The following WIPI1 variants were observed in gnomAD, a reference collection of about 807,000 sequenced individuals.
The protein encoded by WIPI1 is WD repeat domain phosphoinositide-interacting protein 1.
A neutral mutation model predicts 55.3 loss-of-function variants in WIPI1; 45 were observed. The ratio of observed to expected loss-of-function variants is 0.81; its 90% CI spans 0.64 to 1.04. The LOEUF is 1.04. Ranked by LOEUF, WIPI1 falls within the 50% of genes least tolerant of loss-of-function variation. The probability of loss-of-function intolerance (pLI) is 0.00; values close to 1 mark genes in which losing one functional copy is unlikely to be tolerated. For synonymous variants in WIPI1, 195 were observed against 217.6 expected (o/e 0.90, Z 0.92); for missense variants, 445 against 559.0 (o/e 0.80, Z 2.06).
chr17:68,429,691 C>T lies in WIPI1; in HGVS notation c.965+305G>A, dbSNP rs531744479. On this transcript the variant is annotated intron_variant, in intron 9 of 12. Transcript: ENST00000262139. The stretch of plus-strand genomic sequence containing the variant: ...GCAACCTCCGCCTCCTGGGTTCAAG[C>T]GATTCTCCTGCCCCAACCTCCCAAG... 4.6e-5 allele frequency among the ~76,000 whole-genome samples: 7 copies of T among 152,208 alleles called. No individual in the cohort carries two copies. The East Asian group carries it at 5.8e-4, about 13-fold the overall frequency.
rs2082965985 is a variant in WIPI1 at position 68,423,825 on chromosome 17, C to CAT, written c.1294-2006_1294-2005insAT. ...GGAACTACCTCCTAGATACTAATATCCACATTACCCCAATTCTGTAACTAT... is the reference window on the plus strand; with the variant it reads ...GGAACTACCTCCTAGATACTAATATCATCACATTACCCCAATTCTGTAACTAT... On this transcript the variant is annotated intron_variant, in intron 12 of 12. Transcript: ENST00000262139. The surrounding 1 kb of genome is among the most constrained non-coding windows in gnomAD (Gnocchi z 4.4). 6.6e-6 allele frequency among the ~76,000 whole-genome samples: 1 copy of CAT among 152,180 alleles called. No individual in the cohort carries two copies. Among genetic ancestry groups the CAT allele is most frequent in the Non-Finnish European group, 1.5e-5 (1 of 68,024 alleles).
At chr17:68,427,068 C>T (rs1016683749) in intron 11 of WIPI1, 67 bp downstream of exon 11, 11 of 1,302,722 alleles carry the variant, frequency 8.4e-6, no homozygotes, top group East Asian at 4.6e-5. Context: ...GGGGAGGGAG[C>T]GTGCAGGGAG....
intron 3 of WIPI1, 122 bp downstream of exon 3, chr17:68,450,606 T>C (rs2147988930): frequency 7.7e-7 from 1 of 1,304,804 alleles, no homozygotes; most frequent in Non-Finnish European, 1.1e-6. Context: ...GGGGCCTGAG[T>C]GTTAACATTC....
chr17:68,428,000 C>T (rs1211780491), intron 10 of WIPI1, among the ~76,000 whole-genome samples: 3 of 151,960 alleles, frequency 2.0e-5, no homozygotes, highest in African/African-American at 7.3e-5. Context: ...AGGTGATCCC[C>T]CCACCTCTGC....
chr17:68,454,726 G>A (rs77545387), intron 1 of WIPI1, among the ~76,000 whole-genome samples: 80 of 152,314 alleles, frequency 5.3e-4, no homozygotes, highest in African/African-American at 1.9e-3. Context: ...AAATATAGAT[G>A]TGTTTGGCTG....
chr17:68,444,915 C>CTTTTT (rs10607287), intron 3 of WIPI1, among the ~76,000 whole-genome samples: 1 of 89,092 alleles, frequency 1.1e-5, no homozygotes, highest in African/African-American at 4.8e-5. Context: ...ATCCTGAACA[C>CTTTTT]TTTTTTTTTT....
chr17:68,424,736 G>A (rs1013858780), intron 12 of WIPI1, among the ~76,000 whole-genome samples: 1 of 152,114 alleles, frequency 6.6e-6, no homozygotes, highest in Non-Finnish European at 1.5e-5. Context: ...TATTAGTTGG[G>A]CATGGTGGCG....
At chr17:68,447,984 CAAAAAAA>C (rs5821653) in intron 3 of WIPI1, among the ~76,000 whole-genome samples, 4 of 80,284 alleles carry the variant, frequency 5.0e-5, no homozygotes, top group South Asian at 4.4e-4. Flanking sequence ...GACTCTATCT[CAAAAAAA>C]AAAAAAAAAA....
In WIPI1 at chr17:68,430,671, T is replaced by TGG. The variant is rs1295140550; in HGVS notation, c.801-512_801-511insCC. Among the ~76,000 whole-genome samples, 224 of 152,310 alleles carry TGG rather than the reference T, an allele frequency of 1.5e-3. 1 individual carries two copies. Among genetic ancestry groups the TGG allele is most frequent in the African/African-American group, 5.2e-3 (218 of 41,564 alleles). ...TGGAGTCACCCAGGTACCCAGCATG[T>TGG]GTAATGATGGAGATCATGCAAAGGG... On this transcript the variant is annotated intron_variant, in intron 8 of 12. Coordinates refer to ENST00000262139, the MANE Select transcript of WIPI1 (RefSeq NM_017983.7).
chr17:68,434,818 G>C (rs1276380393), intron 6 of WIPI1, among the ~76,000 whole-genome samples, 192 bp from the exon 7 acceptor site: 1 of 152,164 alleles, frequency 6.6e-6, no homozygotes, highest in Admixed American at 6.5e-5. Flanking sequence ...AACACCCTCT[G>C]TCTACCTTTT....
chr17:68,455,181 G>A (rs2084615385), intron 1 of WIPI1, among the ~76,000 whole-genome samples: 1 of 151,972 alleles, frequency 6.6e-6, no homozygotes, highest in South Asian at 2.1e-4. Flanking sequence ...GGGCAATGTG[G>A]CAAAACCCCG....
Position 68,421,366 on chromosome 17 carries a change from T to C in WIPI1, c.*407A>G, listed in dbSNP as rs1036345788. ...ATTCCAGCCACAGCCAAAAAAGACT[T>C]TGCCTGGCTAAAAGAGTCTCTCTCT... On this transcript the variant is annotated 3_prime_UTR_variant, in exon 13 of 13. Coordinates refer to ENST00000262139, the MANE Select transcript of WIPI1 (RefSeq NM_017983.7). The C allele has an allele frequency of 6.0e-6, 1 of 167,662 alleles. No individual in the cohort carries two copies. Among genetic ancestry groups the C allele is most frequent in the African/African-American group, 2.4e-5 (1 of 42,136 alleles). 10.4% of individuals were successfully genotyped at this position (167,662 alleles called of 1,614,324 possible).
intron 3 of WIPI1, among the ~76,000 whole-genome samples, chr17:68,444,915 CTTTTTTTTTTTTT>C (rs10607287): frequency 2.2e-5 from 2 of 89,092 alleles, no homozygotes; most frequent in South Asian, 8.9e-4. Context: ...ATCCTGAACA[CTTTTTTTTTTTTT>C]TTTTTTTTTT....
At chr17:68,451,412 C>T (rs1002127888) in intron 2 of WIPI1, among the ~76,000 whole-genome samples, 3 of 152,106 alleles carry the variant, frequency 2.0e-5, no homozygotes, top group East Asian at 3.9e-4. Context: ...CCAGCCTGGG[C>T]GACAAGCAAG....
At chr17:68,442,337 C>T (rs1328365297) in intron 4 of WIPI1, among the ~76,000 whole-genome samples, 1 of 151,826 alleles carries the variant, frequency 6.6e-6, no homozygotes, top group Non-Finnish European at 1.5e-5. Flanking sequence ...TGGTGGTAGG[C>T]ACCTGTAGTC....
At chr17:68,456,795 G>A (rs1281041605) in intron 1 of WIPI1, among the ~76,000 whole-genome samples, 1 of 152,206 alleles carries the variant, frequency 6.6e-6, no homozygotes, top group Non-Finnish European at 1.5e-5. Flanking sequence ...GCCCTGCGTC[G>A]GGGATGGGAC....
intron 11 of WIPI1, 104 bp downstream of exon 11, chr17:68,427,031 C>A: frequency 1.1e-6 from 1 of 944,538 alleles, no homozygotes. Flanking sequence ...GAGGGCACTC[C>A]ACCCCCAGGT....
chr17:68,424,301 C>T, intron 12 of WIPI1: 1 of 412,324 alleles, frequency 2.4e-6, no homozygotes, highest in Non-Finnish European at 4.8e-6. Flanking sequence ...GACCGACCCG[C>T]AGAGCCGATG....
intron 4 of WIPI1, among the ~76,000 whole-genome samples, chr17:68,437,972 A>C (rs2083898953): frequency 6.9e-6 from 1 of 144,256 alleles, no homozygotes; most frequent in Non-Finnish European, 1.5e-5. Context: ...AAAAAAAAAA[A>C]AGTGACTGGC....
Sources: allele counts gnomAD v4.1 joint callset (sites outside exome capture counted in the v4.1 genomes callset), GRCh38; gene constraint gnomAD v4.1.1; non-coding constraint Gnocchi (gnomAD v3.1); transcripts MANE v1.5; gene names NCBI Gene and HGNC (gene_info 2026-07-23, HGNC 2026-07-21).